KNDC1: variants seen among roughly 807,000 people sequenced by gnomAD.
KNDC1 encodes the protein kinase non-catalytic C-lobe domain-containing protein 1.
KNDC1 carries 106 observed loss-of-function variants against 172.8 expected under a neutral mutation model. The ratio of observed to expected loss-of-function variants is 0.61; its 90% CI spans 0.52 to 0.72. The LOEUF (loss-of-function observed/expected upper bound fraction) is 0.72. Ranked by LOEUF, KNDC1 falls within the 30% of genes least tolerant of loss-of-function variation. The probability of loss-of-function intolerance (pLI) is 0.00; values close to 1 mark genes in which losing one functional copy is unlikely to be tolerated. For synonymous variants in KNDC1, 1,083 were observed against 1,062.2 expected (o/e 1.02, Z -0.38); for missense variants, 2,325 against 2,394.5 (o/e 0.97, Z 0.61).
chr10:133,184,325 C>T (rs1173599722), intron 5 of KNDC1, among the ~76,000 whole-genome samples: 12 of 143,846 alleles, frequency 8.3e-5, no homozygotes, highest in Non-Finnish European at 1.7e-4. Context: ...CCCATGCACA[C>T]ACACCTATGC....
Position 133,225,076 on chromosome 10 carries a change from A to G in KNDC1, c.*186A>G, listed in dbSNP as rs1489486244. 1.7e-6 allele frequency: 1 copy of G among 598,616 alleles called. No individual in the cohort carries two copies. Among genetic ancestry groups the G allele is most frequent in the Non-Finnish European group, 3.0e-6 (1 of 332,270 alleles). The allele number at this position is 598,616 out of a possible 1,614,324, so 37.1% of individuals were successfully genotyped here. ...GGACAGGCAGAGCTGGTCTCCTCCC[A>G]GCAGACGGAGCCAGGACGGGCACAA... On this transcript the variant is annotated 3_prime_UTR_variant, in exon 30 of 30. Coordinates refer to ENST00000304613, the MANE Select transcript of KNDC1 (RefSeq NM_152643.8).
In KNDC1 at chr10:133,219,914, G is replaced by A. The variant is rs987441296; in HGVS notation, c.4861-41G>A. 2.6e-6 allele frequency: 4 copies of A among 1,535,310 alleles called. No homozygotes were observed. The African/African-American group carries it at 5.5e-5, about 21-fold the overall frequency. ...CGGCTGAGGCTCCTGCACTGACCAC[G>A]CCCTGTCTCTCCCCGGCCCACGCCC... is the stretch of plus-strand genomic sequence containing the variant. On this transcript the variant is annotated intron_variant, in intron 28 of 29. Transcript: ENST00000304613.
Position 133,199,021 on chromosome 10 carries a change from A to C in KNDC1, c.2513A>C (p.Glu838Ala). ...PPKPPRSKAT[E>A]RPGQEPEGPG... is the part of the protein sequence containing the mutation. The stretch of plus-strand genomic sequence containing the variant: ...AAGCCCCCACGAAGCAAGGCCACCG[A>C]GCGCCCGGGCCAGGAGCCAGAGGGC... Residue 838 changes from glutamate (E) to alanine (A), a missense_variant, in exon 14 of 30, where the codon GAG becomes GCG. Transcript: ENST00000304613. 1 of 1,569,968 alleles carries C rather than the reference A, an allele frequency of 6.4e-7. No homozygotes were observed. The highest frequency in any genetic ancestry group is 1.2e-5 in the South Asian group (1 of 86,366).
At position 133,202,890 on chromosome 10, in the gene KNDC1, C is replaced by T. The variant is rs573326465; in HGVS notation, c.3387+992C>T. Among the ~76,000 whole-genome samples the T allele has an allele frequency of 3.5e-3, 538 of 152,344 alleles. 6 individuals are homozygous for T. The highest frequency in any genetic ancestry group is 0.013 in the African/African-American group (527 of 41,574). On this transcript the variant is annotated intron_variant, in intron 17 of 29. Coordinates refer to ENST00000304613, the MANE Select transcript of KNDC1 (RefSeq NM_152643.8). ...TGAGGGGGCTTCGAGGACGCAAAGG[C>T]CGCCCCCGGGGCTGGGGAGAGAAAA...
rs1589759940 is a variant in KNDC1 at position 133,198,839 on chromosome 10, T to C, written c.2331T>C (p.Ala777=). 6.3e-7 allele frequency: 1 copy of C among 1,598,930 alleles called. No homozygotes were observed. Among genetic ancestry groups the C allele is most frequent in the East Asian group, 2.3e-5 (1 of 44,310 alleles). ...AGCCAGAGGGGGCCTCATCGGCAGC[T>C]CCCGGCTCTCCAGTCCCCGCCCCGC... ...ANQPEGASSA[A]PGSPVPAPPT... The change falls in exon 14 of 30, where the codon GCT becomes GCC. Residue 777 remains alanine, a synonymous_variant. Transcript: ENST00000304613.
Position 133,186,108 on chromosome 10 carries a change from C to A in KNDC1, c.760C>A (p.Pro254Thr). 1 of 1,597,538 alleles carries A rather than the reference C, an allele frequency of 6.3e-7. No homozygotes were observed. The highest frequency in any genetic ancestry group is 8.5e-7 in the Non-Finnish European group (1 of 1,173,078). ...EGPESETSRG[P>T]RASPTKALLS... ...CCCGGAGTCTGAGACGAGCCGGGGC[C>A]CCAGAGCCTCCCCAACCAAGGCTCT... Residue 254 changes from proline (P) to threonine (T), a missense_variant, in exon 6 of 30, where the codon CCC (proline) becomes ACC (threonine). Pro to Thr is a conservative substitution (Grantham distance 38). Coordinates refer to ENST00000304613, the MANE Select transcript of KNDC1 (RefSeq NM_152643.8).
rs377644960 is a variant in KNDC1, at chr10:133,217,270, G to A, written c.4678-1561G>A. ...TACATACTTTGCATCTACTTAAACC[G>A]ATGAAGAAACAGACTGAGACGTCAG... On this transcript the variant is annotated intron_variant, in intron 26 of 29. Coordinates refer to ENST00000304613, the MANE Select transcript of KNDC1 (RefSeq NM_152643.8). 2.6e-5 allele frequency among the ~76,000 whole-genome samples: 4 copies of A among 152,262 alleles called. No homozygotes were observed. In the East Asian group the frequency reaches 5.8e-4, roughly 22 times the overall value.
chr10:133,184,791 T>G (rs980389415), intron 5 of KNDC1, among the ~76,000 whole-genome samples: 9 of 152,198 alleles, frequency 5.9e-5, no homozygotes, highest in African/African-American at 2.2e-4. Context: ...AGTGTGGCAT[T>G]GGTGCCGGTG....
rs373466741 is a variant in KNDC1 at position 133,195,656 on chromosome 10, C to T, written c.1576-7C>T. ...CGGTAGACACTATTCTCTCCCCACC[C>T]GCCCAGGCCTCTGTGTACTGTGTGG... is the stretch of plus-strand genomic sequence containing the variant. On this transcript the variant is annotated splice_region_variant and splice_polypyrimidine_tract_variant and intron_variant, in intron 9 of 29. Transcript: ENST00000304613. The T allele has an allele frequency of 1.0e-4, 160 of 1,561,364 alleles. 2 individuals are homozygous for T. Among genetic ancestry groups the T allele is most frequent in the South Asian group, 6.2e-4 (52 of 84,120 alleles).
At chr10:133,202,264 A>T (rs1252882638) in intron 17 of KNDC1, 1 of 560,038 alleles carries the variant, frequency 1.8e-6, no homozygotes, top group Non-Finnish European at 3.4e-6. Context: ...GCCCTTGGGC[A>T]GCCTCGCTCT....
intron 15 of KNDC1, 77 bp downstream of exon 15, chr10:133,199,679 G>T: frequency 6.6e-7 from 1 of 1,525,712 alleles, no homozygotes; most frequent in Non-Finnish European, 8.9e-7. Context: ...CCTGACCCGG[G>T]CCCAGCCTTC....
chr10:133,166,291 C>T (rs1290305757), intron 1 of KNDC1, among the ~76,000 whole-genome samples: 1 of 152,198 alleles, frequency 6.6e-6, no homozygotes, highest in Non-Finnish European at 1.5e-5. Flanking sequence ...GCTGCAGCCC[C>T]CGGCCACCCC....
At chr10:133,183,158 G>A (rs976043279) in intron 3 of KNDC1, among the ~76,000 whole-genome samples, 186 bp from the exon 4 acceptor site, 3 of 151,324 alleles carry the variant, frequency 2.0e-5, no homozygotes, top group African/African-American at 4.9e-5. Flanking sequence ...GGGCGCGGGC[G>A]GCGAGGGTGC....
At chr10:133,183,297 G>A in intron 3 of KNDC1, 47 bp from the exon 4 acceptor site, 1 of 1,529,760 alleles carries the variant, frequency 6.5e-7, no homozygotes, top group Non-Finnish European at 8.8e-7. Context: ...CGGTCGGGGT[G>A]GCGCACACGC....
chr10:133,203,441 A>C (rs1304594512), intron 17 of KNDC1, among the ~76,000 whole-genome samples: 1 of 152,266 alleles, frequency 6.6e-6, no homozygotes, highest in Non-Finnish European at 1.5e-5. Flanking sequence ...TCAGAAACAC[A>C]GCAAGGGCAA....
rs1184524532 is a variant in KNDC1 at position 133,198,626 on chromosome 10, G to C, written c.2118G>C (p.Gln706His). 3.1e-6 allele frequency: 5 copies of C among 1,604,474 alleles called. No individual in the cohort carries two copies. The highest frequency in any genetic ancestry group is 4.3e-6 in the Non-Finnish European group (5 of 1,175,932). The change falls in exon 14 of 30, where the codon CAG (glutamine) becomes CAC (histidine). Residue 706 changes from glutamine (Q) to histidine (H), a missense_variant. Gln to His is a conservative substitution (Grantham distance 24). Transcript: ENST00000304613. ...AQEESEERGGQREGEGEEKLS... is the reference protein window; with the variant it reads ...AQEESEERGGHREGEGEEKLS... ...AGGAGTCCGAGGAGAGGGGCGGCCA[G>C]AGGGAGGGAGAAGGTGAGGAGAAGC...
rs748209263 is a variant in KNDC1, at chr10:133,207,148, G to A, written c.3591G>A (p.Ala1197=). 19 of 1,592,332 alleles carry A rather than the reference G, an allele frequency of 1.2e-5. 1 individual carries two copies. In the East Asian group the frequency reaches 1.4e-4, roughly 11 times the overall value. The change falls in exon 20 of 30, where the codon GCG becomes GCA. Residue 1197 remains alanine, a synonymous_variant. Transcript: ENST00000304613. ...LVKKYLQVMY[A]ERWGLEPCTL... is the part of the protein sequence containing the mutation. Reference sequence around the variant, plus strand: ...TCCCGCTCCGGCAGGTCATGTACGCGGAACGCTGGGGCCTGGAGCCCTGCA... The same window carrying A: ...TCCCGCTCCGGCAGGTCATGTACGCAGAACGCTGGGGCCTGGAGCCCTGCA...
intron 3 of KNDC1, among the ~76,000 whole-genome samples, chr10:133,174,558 A>T (rs1178183174): frequency 1.3e-5 from 2 of 152,196 alleles, no homozygotes; most frequent in Admixed American, 1.3e-4. Flanking sequence ...TGGTTGGAGC[A>T]TAGATTATTG....
At position 133,209,346 on chromosome 10, in the gene KNDC1, G is replaced by T. The variant is rs1281366368; in HGVS notation, c.3795-1265G>T. ...TGCACGTGTGTGCTGTGCGGTGTGG[G>T]GTATAGTGTGTGCACATGTGGTGTG... is the stretch of plus-strand genomic sequence containing the variant. On this transcript the variant is annotated intron_variant, in intron 20 of 29. Coordinates refer to ENST00000304613, the MANE Select transcript of KNDC1 (RefSeq NM_152643.8). This position sits in a 1 kb window ranked among gnomAD's most constrained non-coding sequence, Gnocchi z 4.9. Among the ~76,000 whole-genome samples, 1 of 151,198 alleles carries T rather than the reference G, an allele frequency of 6.6e-6. No homozygotes were observed. Among genetic ancestry groups the T allele is most frequent in the Non-Finnish European group, 1.5e-5 (1 of 67,780 alleles).
Sources: gnomAD v4.1 joint callset for allele counts (sites outside exome capture counted in the v4.1 genomes callset) on GRCh38, gnomAD v4.1.1 for gene constraint, Gnocchi (gnomAD v3.1) non-coding constraint, MANE v1.5 for transcripts, NCBI Gene and HGNC (gene_info 2026-07-23, HGNC 2026-07-21) for gene names.